DHX29: variants seen among roughly 807,000 people sequenced by gnomAD.
DHX29 encodes ATP-dependent RNA helicase DHX29.
In DHX29, 79 loss-of-function variants were observed where a neutral mutation model predicts 167.9. That is an observed-to-expected ratio of 0.47 (90% CI 0.39 to 0.57). The LOEUF (loss-of-function observed/expected upper bound fraction) is 0.57, where lower values mean the gene tolerates loss of function less well. DHX29 is among the 20% of genes least tolerant of loss of function. The pLI is 0.00. For synonymous variants in DHX29, 530 were observed against 546.0 expected (o/e 0.97, Z 0.41); for missense variants, 1,347 against 1,593.4 (o/e 0.85, Z 2.63).
chr5:55,293,937 G>A (rs1748173526), intron 6 of DHX29, 80 bp downstream of exon 6: 1 of 1,470,054 alleles, frequency 6.8e-7, no homozygotes, highest in Non-Finnish European at 9.1e-7. Context: ...ATTTACAAAT[G>A]AGCAAACTAA....
At chr5:55,271,026 AGT>A (rs1211437691) in intron 18 of DHX29, among the ~76,000 whole-genome samples, 1 of 152,236 alleles carries the variant, frequency 6.6e-6, no homozygotes, top group African/African-American at 2.4e-5. Context: ...TATTTTGAGA[AGT>A]GTTACTGTGA....
At position 55,256,514 on chromosome 5, in the gene DHX29, C is replaced by T; in HGVS notation, c.4084G>A (p.Glu1362Lys). ...CAGTTATTCTCTGTTTTTATCAATTCCGTAATGATCTGCAGAATCTTGTCA... is the reference window on the plus strand; with the variant it reads ...CAGTTATTCTCTGTTTTTATCAATTTCGTAATGATCTGCAGAATCTTGTCA... Reference protein sequence around the residue: ...ENDKILQIITELIKTENN With the variant: ...ENDKILQIITKLIKTENN Residue 1362 changes from glutamate to lysine, a missense_variant, in exon 27 of 27, where the codon GAA (glutamate) becomes AAA (lysine). Physicochemically the swap from Glu to Lys is moderately conservative, Grantham distance 56. This residue lies in a region of DHX29 where 882 missense variants were observed against 1,082.4 expected (regional missense o/e 0.81). Coordinates refer to ENST00000251636, the MANE Select transcript of DHX29 (RefSeq NM_019030.4). The T allele has an allele frequency of 6.3e-7, 1 of 1,594,292 alleles. No individual in the cohort carries two copies. The highest frequency in any genetic ancestry group is 8.5e-7 in the Non-Finnish European group (1 of 1,173,830).
chr5:55,301,732 A>C (rs1342266967), intron 1 of DHX29, among the ~76,000 whole-genome samples: 5 of 151,566 alleles, frequency 3.3e-5, no homozygotes, highest in Non-Finnish European at 7.4e-5. Context: ...AAAAAAAAAA[A>C]AAAACAAGAA....
chr5:55,265,024 G>A (rs1169318187), intron 23 of DHX29, among the ~76,000 whole-genome samples: 1 of 149,798 alleles, frequency 6.7e-6, no homozygotes, highest in South Asian at 2.1e-4. Context: ...TGTAATGGAT[G>A]AATCTAGCTG....
rs768961972 is a variant in DHX29, at chr5:55,267,827, C to T, written c.3295-5G>A. 1.3e-6 allele frequency: 2 copies of T among 1,582,312 alleles called. No individual in the cohort carries two copies. The highest frequency in any genetic ancestry group is 3.5e-5 in the Admixed American group (2 of 56,682). ...CATAACTGCAGCTAGTGTTGCCTAT[C>T]CATAAATCATAAATGACAAAACAAT... On this transcript the variant is annotated splice_region_variant and splice_polypyrimidine_tract_variant and intron_variant, in intron 21 of 26. Transcript: ENST00000251636.
intron 2 of DHX29, among the ~76,000 whole-genome samples, chr5:55,297,781 A>T (rs1748396594): frequency 6.6e-6 from 1 of 152,210 alleles, no homozygotes; most frequent in Non-Finnish European, 1.5e-5. Context: ...AAGAATGAAC[A>T]CTATACTAAA....
rs755425951 is a variant in DHX29 at position 55,276,416 on chromosome 5, A to T, written c.2287-10T>A. ...CTTCAAGATGAAAAACCTGCATAGA[A>T]TAAGGCATATAAATGGGTGAATTCA... On this transcript the variant is annotated splice_polypyrimidine_tract_variant and intron_variant, in intron 13 of 26. Coordinates refer to ENST00000251636, the MANE Select transcript of DHX29 (RefSeq NM_019030.4). 3.2e-6 allele frequency: 5 copies of T among 1,576,334 alleles called. No homozygotes were observed. In the South Asian group the frequency reaches 5.9e-5, roughly 19 times the overall value.
At chr5:55,284,730 T>C (rs1340800398) in intron 10 of DHX29, among the ~76,000 whole-genome samples, 3 of 152,228 alleles carry the variant, frequency 2.0e-5, no homozygotes, top group Non-Finnish European at 2.9e-5. Context: ...AAGTGTATTG[T>C]TAATATAACC....
chr5:55,307,276 G>A lies in DHX29; in HGVS notation c.187+111C>T, dbSNP rs150592067. On this transcript the variant is annotated intron_variant, in intron 1 of 26. Coordinates refer to ENST00000251636, the MANE Select transcript of DHX29 (RefSeq NM_019030.4). ...ATGGGGAGGTAGCAGCTCGAGTGTT[G>A]GGAAATAGAAATGTTGGGCCCGAAG... 1.1e-3 allele frequency: 1,027 copies of A among 926,194 alleles called. 10 individuals carry two copies. The East Asian group carries it at 0.012, about 10-fold the overall frequency. The allele number at this position is 926,194 out of a possible 1,614,324, so 57.4% of individuals were successfully genotyped here. A position where few individuals can be genotyped will look rare whatever the true frequency, so the allele number is the denominator to read the frequency against.
Position 55,301,291 on chromosome 5 carries a change from A to G in DHX29, c.188-2627T>C, listed in dbSNP as rs542167831. Among the ~76,000 whole-genome samples, 5 of 152,348 alleles carry G rather than the reference A, an allele frequency of 3.3e-5. No homozygotes were observed. The South Asian group carries it at 1.0e-3, about 32-fold the overall frequency. ...AACCTCACTGCATAATCATGAGAAA[A>G]TGAGCGTGAAAAATGGCAAAAACAT... On this transcript the variant is annotated intron_variant, in intron 1 of 26. Coordinates refer to ENST00000251636, the MANE Select transcript of DHX29 (RefSeq NM_019030.4).
At chr5:55,292,756 G>C (rs1302001605) in intron 6 of DHX29, among the ~76,000 whole-genome samples, 3 of 151,978 alleles carry the variant, frequency 2.0e-5, no homozygotes, top group Non-Finnish European at 4.4e-5. Flanking sequence ...CAATTCCACA[G>C]CTGTACCCTT....
intron 6 of DHX29, 91 bp downstream of exon 6, chr5:55,293,926 A>C (rs1319759518): frequency 7.7e-6 from 11 of 1,425,272 alleles, no homozygotes; most frequent in Non-Finnish European, 1.0e-5. Context: ...GTACATTTCC[A>C]ATTTACAAAT....
At chr5:55,287,195 A>T (rs1747777965) in intron 8 of DHX29, among the ~76,000 whole-genome samples, 1 of 152,086 alleles carries the variant, frequency 6.6e-6, no homozygotes, top group Non-Finnish European at 1.5e-5. Context: ...TAATCCCAAC[A>T]CTCTGGGAGC....
rs1164727952 is a variant in DHX29 at position 55,267,775 on chromosome 5, T to C, written c.3342A>G (p.Pro1114=). 6.2e-7 allele frequency: 1 copy of C among 1,609,128 alleles called. No individual in the cohort carries two copies. The highest frequency in any genetic ancestry group is 8.5e-7 in the Non-Finnish European group (1 of 1,177,310). ...VMTEKSPFTT[P]IGRKDEADLA... ...GATCTGCTTCATCTTTTCGACCAAT[T>C]GGTGTGGTAAAAGGAGACTTCTCTG... is the stretch of plus-strand genomic sequence containing the variant. Residue 1114 remains proline, a synonymous_variant, in exon 22 of 27, where the codon CCA becomes CCG. Coordinates refer to ENST00000251636, the MANE Select transcript of DHX29 (RefSeq NM_019030.4).
Position 55,289,320 on chromosome 5 carries a change from A to T in DHX29, c.1016T>A (p.Leu339Ter). The change falls in exon 8 of 27, where the codon TTG (leucine) becomes TAG (stop). Residue 339 changes from leucine to a stop codon, truncating the protein, a stop_gained. Coordinates refer to ENST00000251636, the MANE Select transcript of DHX29 (RefSeq NM_019030.4). LOFTEE classifies it high-confidence loss of function. ...PPVATEGESA[L>*]NFNLFEKSAA... is the part of the protein sequence containing the mutation. ...AGATTTTTCAAATAAATTAAAATTC[A>T]ATGCACTTTCTCCTTCTGTGGCTAC... 6.3e-7 allele frequency: 1 copy of T among 1,591,896 alleles called. No homozygotes were observed. Among genetic ancestry groups the T allele is most frequent in the Non-Finnish European group, 8.5e-7 (1 of 1,173,332 alleles).
chr5:55,293,646 G>T (rs1356874523), intron 6 of DHX29, among the ~76,000 whole-genome samples: 1 of 151,962 alleles, frequency 6.6e-6, no homozygotes, highest in African/African-American at 2.4e-5. Flanking sequence ...TTTTGACTTA[G>T]TATATTTTCT....
At chr5:55,306,681 T>G (rs1307058363) in intron 1 of DHX29, among the ~76,000 whole-genome samples, 1 of 152,218 alleles carries the variant, frequency 6.6e-6, no homozygotes, top group African/African-American at 2.4e-5. Flanking sequence ...AGCAAATATT[T>G]CTTGAATACT....
At position 55,295,409 on chromosome 5, in the gene DHX29, T is replaced by C. The variant is rs748419097; in HGVS notation, c.621A>G (p.Thr207=). Residue 207 remains threonine (T), a synonymous_variant, in exon 5 of 27, where the codon ACA becomes ACG. Transcript: ENST00000251636. The part of the protein sequence containing the change: ...ATISPPLQPK[T]KTYEEDPKSK... ...TCTTAGGGTCCTCTTCATATGTTTT[T>C]GTTTTAGGTTGCAATGGAGGTGAAA... The C allele has an allele frequency of 1.2e-6, 2 of 1,613,414 alleles. No individual in the cohort carries two copies. The highest frequency in any genetic ancestry group is 1.7e-6 in the Non-Finnish European group (2 of 1,179,352).
intron 23 of DHX29, among the ~76,000 whole-genome samples, chr5:55,265,354 A>T (rs1048307421): frequency 6.6e-6 from 1 of 151,424 alleles, no homozygotes; most frequent in Non-Finnish European, 1.5e-5. Context: ...AAAAAGGGAG[A>T]TGACTCTGAA....
Sources: allele counts gnomAD v4.1 joint callset (sites outside exome capture counted in the v4.1 genomes callset), GRCh38; gene constraint gnomAD v4.1.1; regional missense constraint gnomAD v4.1.1; transcripts MANE v1.5; gene names NCBI Gene and HGNC (gene_info 2026-07-23, HGNC 2026-07-21).